Variants in LINGO2 observed in about 807,000 individuals in gnomAD.
The protein encoded by LINGO2 is leucine rich repeat and Ig domain containing 2, also known as leucine-rich repeat and immunoglobulin-like domain-containing nogo receptor-interacting protein 2.
A neutral mutation model predicts 30.6 loss-of-function variants in LINGO2; 14 were observed. The observed-to-expected ratio is 0.46, with a 90% CI of 0.30 to 0.72. The LOEUF (loss-of-function observed/expected upper bound fraction) is 0.72. Ranked by LOEUF, LINGO2 falls within the 30% of genes least tolerant of loss-of-function variation. LINGO2 has a pLI of 0.07. For synonymous variants in LINGO2, 317 were observed against 288.5 expected, an observed-to-expected ratio of 1.10 and a Z score of -1.00; for missense variants, 729 against 751.7, an observed-to-expected ratio of 0.97 and a Z score of 0.35.
the LINGO2 span, among the ~76,000 whole-genome samples, chr9:28,901,140 T>A: frequency 6.6e-6 from 1 of 152,118 alleles, no homozygotes; most frequent in Non-Finnish European, 1.5e-5. Context: ...ATAAACCTTA[T>A]AGACCAGGAG....
the LINGO2 span, among the ~76,000 whole-genome samples, chr9:28,978,518 C>A: frequency 6.6e-6 from 1 of 151,966 alleles, no homozygotes; most frequent in East Asian, 1.9e-4. Context: ...GGGAATAATG[C>A]TCTAGAGATT....
At chr9:28,740,341 A>T in the LINGO2 span, among the ~76,000 whole-genome samples, 1 of 151,796 alleles carries the variant, frequency 6.6e-6, no homozygotes, top group African/African-American at 2.4e-5. Flanking sequence ...TATGAAAAAA[A>T]TTGTATTGAA....
chr9:29,084,307 A>G, the LINGO2 span, among the ~76,000 whole-genome samples: 1 of 152,092 alleles, frequency 6.6e-6, no homozygotes, highest in Non-Finnish European at 1.5e-5. Context: ...CAAAAAGAGT[A>G]AGGATATTTT....
the LINGO2 span, among the ~76,000 whole-genome samples, chr9:28,750,727 A>ATATAACTCTTTTTTTTTT: frequency 6.6e-6 from 1 of 152,022 alleles, no homozygotes; most frequent in Non-Finnish European, 1.5e-5. Flanking sequence ...GGAGAAAATC[A>ATATAACTCTTTTTTTTTT]TTTTACCGCA....
chr9:28,798,114 T>C, the LINGO2 span, among the ~76,000 whole-genome samples: 23 of 152,194 alleles, frequency 1.5e-4, 2 homozygotes, highest in African/African-American at 4.8e-4. Flanking sequence ...GTAAAAGAAA[T>C]TGGAGACAGT....
chr9:28,287,686 G>A (rs531092113), intron 4 of LINGO2, among the ~76,000 whole-genome samples: 12 of 152,200 alleles, frequency 7.9e-5, no homozygotes, highest in Non-Finnish European at 8.8e-5. Flanking sequence ...TCTCAAAAGG[G>A]AAATAAAGTA....
At chr9:28,582,044 T>C (rs923253400) in intron 1 of LINGO2, among the ~76,000 whole-genome samples, 20 of 152,060 alleles carry the variant, frequency 1.3e-4, no homozygotes, top group Non-Finnish European at 2.6e-4. Flanking sequence ...CTGTATTTAA[T>C]GATTCTGTCC....
the LINGO2 span, among the ~76,000 whole-genome samples, chr9:29,213,115 A>G: frequency 6.6e-6 from 1 of 152,096 alleles, no homozygotes; most frequent in Non-Finnish European, 1.5e-5. Context: ...TACCAGTGGA[A>G]ATGGAGACCG....
chr9:28,461,010 T>C (rs966149534), intron 2 of LINGO2, among the ~76,000 whole-genome samples: 1 of 152,172 alleles, frequency 6.6e-6, no homozygotes, highest in Non-Finnish European at 1.5e-5. Flanking sequence ...AGATACAATA[T>C]AACCCTAAAC....
At chr9:29,066,334 G>A in the LINGO2 span, among the ~76,000 whole-genome samples, 1 of 151,906 alleles carries the variant, frequency 6.6e-6, no homozygotes, top group African/African-American at 2.4e-5. Flanking sequence ...TAAACATGCT[G>A]TCAGCATGTG....
intron 4 of LINGO2, among the ~76,000 whole-genome samples, chr9:28,087,916 G>A (rs1395792747): frequency 6.6e-6 from 1 of 151,890 alleles, no homozygotes; most frequent in Admixed American, 6.6e-5. Context: ...GAAACTCTTT[G>A]GTTTCAGCAT....
the LINGO2 span, among the ~76,000 whole-genome samples, chr9:29,140,046 G>A: frequency 2.0e-5 from 3 of 152,094 alleles, no homozygotes; most frequent in Non-Finnish European, 4.4e-5. Context: ...GAAAAGGTTT[G>A]GGAAGCCCTC....
intron 4 of LINGO2, among the ~76,000 whole-genome samples, chr9:28,161,191 G>T (rs1333778330): frequency 6.6e-6 from 1 of 152,126 alleles, no homozygotes; most frequent in East Asian, 1.9e-4. Context: ...GCTATTAATT[G>T]TTGATACCGG....
At chr9:28,541,598 T>C (rs1293967702) in intron 1 of LINGO2, among the ~76,000 whole-genome samples, 1 of 152,104 alleles carries the variant, frequency 6.6e-6, no homozygotes, top group East Asian at 1.9e-4. Flanking sequence ...GTCCACTAAT[T>C]GTAAACAAAC....
At chr9:28,526,216 T>A (rs1039002024) in intron 1 of LINGO2, among the ~76,000 whole-genome samples, 3 of 152,146 alleles carry the variant, frequency 2.0e-5, no homozygotes, top group Non-Finnish European at 2.9e-5. Flanking sequence ...TCTGGAAGAA[T>A]GTTACTTGGA....
chr9:28,111,510 G>T (rs759524118), intron 4 of LINGO2, among the ~76,000 whole-genome samples: 3 of 151,964 alleles, frequency 2.0e-5, no homozygotes, highest in Non-Finnish European at 4.4e-5. Context: ...CTTTTAACTC[G>T]GGCCAGCTGT....
At chr9:28,368,521 T>A (rs1820763330) in intron 3 of LINGO2, among the ~76,000 whole-genome samples, 1 of 152,074 alleles carries the variant, frequency 6.6e-6, no homozygotes, top group African/African-American at 2.4e-5. Context: ...TATTTAATTA[T>A]CTTATTTTTT....
intron 1 of LINGO2, among the ~76,000 whole-genome samples, chr9:28,568,414 C>T (rs890821757): frequency 1.4e-4 from 22 of 152,046 alleles, no homozygotes; most frequent in Admixed American, 1.4e-3. Context: ...ACCTGTACAA[C>T]AAACCCCATG....
Position 28,090,162 on chromosome 9 carries a change from G to C in LINGO2, c.-86-77757C>G, listed in dbSNP as rs150189070. ...AGAACAAGCTGGTACCATTCCTTCTGAAACTATTCCAATCAATAGAAAAAG... is the reference window on the plus strand; with the variant it reads ...AGAACAAGCTGGTACCATTCCTTCTCAAACTATTCCAATCAATAGAAAAAG... On this transcript the variant is annotated intron_variant, in intron 4 of 5. Transcript: ENST00000379992. 2.1e-3 allele frequency among the ~76,000 whole-genome samples: 318 copies of C among 152,238 alleles called. 2 individuals are homozygous for C. The highest frequency in any genetic ancestry group is 7.1e-3 in the African/African-American group (294 of 41,544).
Sources: gnomAD v4.1 joint callset for allele counts (sites outside exome capture counted in the v4.1 genomes callset) on GRCh38, gnomAD v4.1.1 for gene constraint, MANE v1.5 for transcripts, NCBI Gene and HGNC (gene_info 2026-07-23, HGNC 2026-07-21) for gene names.